TTC6: variants seen among roughly 807,000 people sequenced by gnomAD.
TTC6 encodes the protein tetratricopeptide repeat domain 6.
TTC6 carries 172 observed loss-of-function variants against 210.4 expected under a neutral mutation model. That is an observed-to-expected ratio of 0.82 (90% CI 0.72 to 0.93). The LOEUF (loss-of-function observed/expected upper bound fraction) is 0.93. TTC6 is among the 40% of genes least tolerant of loss of function. The probability of loss-of-function intolerance (pLI) is 0.00; values close to 1 mark genes in which losing one functional copy is unlikely to be tolerated. For synonymous variants in TTC6, 804 were observed against 819.6 expected, an observed-to-expected ratio of 0.98 and a Z score of 0.32; for missense variants, 2,414 against 2,318.1, an observed-to-expected ratio of 1.04 and a Z score of -0.85.
At chr14:37,708,389 T>C (rs1349909659) in intron 5 of TTC6, among the ~76,000 whole-genome samples, 1 of 152,058 alleles carries the variant, frequency 6.6e-6, no homozygotes, top group Non-Finnish European at 1.5e-5. Flanking sequence ...TATATAATTT[T>C]GTATTAATAA....
chr14:37,741,991 A>G (rs2095921307), intron 10 of TTC6, among the ~76,000 whole-genome samples: 1 of 152,138 alleles, frequency 6.6e-6, no homozygotes, highest in Admixed American at 6.5e-5. Flanking sequence ...TGGCTGACCC[A>G]CAGTGACCTC....
At chr14:37,757,218 T>A (rs2095970705) in intron 14 of TTC6, among the ~76,000 whole-genome samples, 1 of 151,990 alleles carries the variant, frequency 6.6e-6, no homozygotes, top group African/African-American at 2.4e-5. Flanking sequence ...TTATTGTGTC[T>A]ATTTGATTCT....
chr14:37,660,803 A>G (rs1341949798), intron 1 of TTC6, among the ~76,000 whole-genome samples: 2 of 152,328 alleles, frequency 1.3e-5, no homozygotes, highest in Middle Eastern at 3.4e-3. Flanking sequence ...ACTCCCACCA[A>G]TGGTGTAAAA....
intron 6 of TTC6, 144 bp downstream of exon 8, chr14:37,714,940 G>A: frequency 2.8e-6 from 2 of 726,516 alleles, no homozygotes; most frequent in East Asian, 2.8e-5. Flanking sequence ...AACTTTGGGA[G>A]GACATGGCGA....
In TTC6 at chr14:37,670,631, C is replaced by T. The variant is rs146698891; in HGVS notation, c.940-9520C>T. Among the ~76,000 whole-genome samples the T allele has an allele frequency of 8.5e-3, 1,291 of 151,694 alleles. 23 individuals carry two copies. Among genetic ancestry groups the T allele is most frequent in the African/African-American group, 0.029 (1,219 of 41,336 alleles). ...GATTACAGGCATCCACCATCATGCC[C>T]GGCTAATTTTTGTATTTTTAGTAGA... On this transcript the variant is annotated intron_variant, in intron 1 of 30. Transcript: ENST00000553443.
intron 1 of TTC6, among the ~76,000 whole-genome samples, chr14:37,626,150 C>T (rs2095659932): frequency 6.6e-6 from 1 of 152,160 alleles, no homozygotes; most frequent in Admixed American, 6.5e-5. Flanking sequence ...GAACCACTGA[C>T]CTAAACAGTA....
chr14:37,802,695 G>T (rs1357809912), intron 20 of TTC6, among the ~76,000 whole-genome samples: 1 of 151,868 alleles, frequency 6.6e-6, no homozygotes. Context: ...CTCTGGTTTG[G>T]AATCAAGCAC....
chr14:37,604,690 G>A (rs1482312540), intron 1 of TTC6, among the ~76,000 whole-genome samples: 2 of 152,094 alleles, frequency 1.3e-5, no homozygotes, highest in African/African-American at 2.4e-5. Context: ...GGGAGATGAG[G>A]AAGAGGAAGA....
At chr14:37,758,691 G>A (rs1475436780) in intron 14 of TTC6, among the ~76,000 whole-genome samples, 2 of 152,056 alleles carry the variant, frequency 1.3e-5, no homozygotes, top group Non-Finnish European at 2.9e-5. Flanking sequence ...TTACATTTAA[G>A]GTTAATATTG....
chr14:37,736,887 TG>T (rs1209417532), intron 8 of TTC6, among the ~76,000 whole-genome samples: 1 of 152,132 alleles, frequency 6.6e-6, no homozygotes, highest in Non-Finnish European at 1.5e-5. Context: ...CTTGAGTATC[TG>T]GGACTACAAG....
intron 1 of TTC6, among the ~76,000 whole-genome samples, chr14:37,669,706 A>G (rs1338577269): frequency 2.0e-5 from 3 of 152,208 alleles, no homozygotes; most frequent in Non-Finnish European, 4.4e-5. Context: ...TTATAAGACC[A>G]TAATCTGGAG....
At chr14:37,814,136 C>T (rs1178521639) in intron 25 of TTC6, among the ~76,000 whole-genome samples, 4 of 152,192 alleles carry the variant, frequency 2.6e-5, no homozygotes, top group Admixed American at 2.0e-4. Flanking sequence ...AAAATCTGAA[C>T]TCTTGACTGT....
At chr14:37,727,354 T>C (rs1449009171) in intron 7 of TTC6, among the ~76,000 whole-genome samples, 3 of 142,974 alleles carry the variant, frequency 2.1e-5, no homozygotes, top group Non-Finnish European at 4.5e-5. Flanking sequence ...AGTGCAGTGG[T>C]GCGATCTTGG....
chr14:37,767,268 C>A lies in TTC6; in HGVS notation c.3266+14033C>A, dbSNP rs1446462314. Among the ~76,000 whole-genome samples the A allele has an allele frequency of 2.7e-3, 418 of 152,168 alleles. 2 individuals are homozygous for A. Among genetic ancestry groups the A allele is most frequent in the African/African-American group, 9.5e-3 (394 of 41,496 alleles). On this transcript the variant is annotated intron_variant, in intron 14 of 30. Transcript: ENST00000553443. ...AATGCCGCAGTAAACATACGTGTGCCTGTGTCTTTATAGCAGCATGATTTA... is the reference window on the plus strand; with the variant it reads ...AATGCCGCAGTAAACATACGTGTGCATGTGTCTTTATAGCAGCATGATTTA...
At chr14:37,782,391 T>A (rs990900131) in intron 14 of TTC6, among the ~76,000 whole-genome samples, 2 of 152,216 alleles carry the variant, frequency 1.3e-5, no homozygotes, top group African/African-American at 4.8e-5. Context: ...TTGAAGCAAT[T>A]GTGAATGGGA....
chr14:37,811,890 A>G (rs1956883812), intron 24 of TTC6, among the ~76,000 whole-genome samples: 1 of 152,208 alleles, frequency 6.6e-6, no homozygotes, highest in Non-Finnish European at 1.5e-5. Context: ...TGGGCTTAAA[A>G]CAGTGAACAA....
intron 13 of TTC6, among the ~76,000 whole-genome samples, chr14:37,752,891 T>TA (rs1220139361): frequency 2.6e-5 from 4 of 151,984 alleles, no homozygotes; most frequent in African/African-American, 4.8e-5. Flanking sequence ...TTTTTTCTCT[T>TA]AAAAAATACT....
intron 1 of TTC6, among the ~76,000 whole-genome samples, chr14:37,630,758 G>A (rs894463761): frequency 6.6e-6 from 1 of 151,914 alleles, no homozygotes. Flanking sequence ...ATGAATCTGG[G>A]TGCTCTTGTA....
exon 27 of TTC6, chr14:37,823,816 T>C: frequency 1.2e-6 from 2 of 1,614,072 alleles, no homozygotes; most frequent in East Asian, 4.5e-5. Context: ...GTTTTCTGGA[T>C]GCTTATGTTG....
Sources: gnomAD v4.1 joint callset for allele counts (sites outside exome capture counted in the v4.1 genomes callset) on GRCh38, gnomAD v4.1.1 for gene constraint, MANE v1.5 for transcripts, NCBI Gene and HGNC (gene_info 2026-07-23, HGNC 2026-07-21) for gene names.